Variants in LRRK1 observed in about 807,000 individuals in gnomAD.
LRRK1 encodes the protein leucine rich repeat kinase 1.
In LRRK1, 113 loss-of-function variants were observed where a neutral mutation model predicts 209.1. The observed-to-expected ratio is 0.54, with a 90% CI of 0.46 to 0.63. LRRK1 has a LOEUF of 0.63. LRRK1 is among the 30% of genes least tolerant of loss of function. The pLI is 0.00. For missense variants in LRRK1, 2,284 were observed against 2,632.2 expected (o/e 0.87, Z 2.89); for synonymous variants, 1,144 against 1,099.7 (o/e 1.04, Z -0.80).
At chr15:101,014,289 TTCTC>T (rs2033424762) in intron 10 of LRRK1, 23 bp from the exon 11 acceptor site, 2 of 1,518,730 alleles carry the variant, frequency 1.3e-6, no homozygotes, top group Non-Finnish European at 1.8e-6. Context: ...CTATCTTAGC[TTCTC>T]TCTCCCTCCC....
At chr15:100,976,108 A>T (rs1232302458) in intron 3 of LRRK1, among the ~76,000 whole-genome samples, 1 of 152,156 alleles carries the variant, frequency 6.6e-6, no homozygotes, top group Non-Finnish European at 1.5e-5. Context: ...AAAAAGAAAA[A>T]TTTAACTTTA....
chr15:100,970,946 A>T (rs1246579786), intron 2 of LRRK1, among the ~76,000 whole-genome samples: 2 of 152,012 alleles, frequency 1.3e-5, no homozygotes, highest in Non-Finnish European at 2.9e-5. Context: ...ATCATAAACT[A>T]TTTTTTCAAT....
intron 12 of LRRK1, among the ~76,000 whole-genome samples, chr15:101,020,262 G>T (rs1050659169): frequency 6.6e-6 from 1 of 151,946 alleles, no homozygotes; most frequent in African/African-American, 2.4e-5. Context: ...ACATGTGCAG[G>T]TGTGGTGTGT....
intron 2 of LRRK1, among the ~76,000 whole-genome samples, chr15:100,935,332 G>T (rs1176248917): frequency 6.6e-6 from 1 of 152,186 alleles, no homozygotes; most frequent in African/African-American, 2.4e-5. Flanking sequence ...ATGGAATCAG[G>T]TCAGTCCTGT....
intron 2 of LRRK1, among the ~76,000 whole-genome samples, chr15:100,930,411 C>T (rs1261528848): frequency 6.6e-6 from 1 of 152,200 alleles, no homozygotes; most frequent in Non-Finnish European, 1.5e-5. Context: ...TACCTGCTTC[C>T]CCACCCTGCC....
chr15:101,052,101 CT>C, intron 24 of LRRK1, 141 bp downstream of exon 24: 2 of 989,372 alleles, frequency 2.0e-6, no homozygotes, highest in Non-Finnish European at 2.9e-6. Context: ...ATCTCAGTAC[CT>C]TTTAGGTTCC....
intron 16 of LRRK1, among the ~76,000 whole-genome samples, chr15:101,025,707 A>G (rs2033997145): frequency 6.6e-6 from 1 of 152,226 alleles, no homozygotes; most frequent in Non-Finnish European, 1.5e-5. Flanking sequence ...CCATTACTGC[A>G]GGAAGGTGCC....
intron 12 of LRRK1, among the ~76,000 whole-genome samples, chr15:101,015,999 T>A (rs1332019463): frequency 6.6e-6 from 1 of 151,582 alleles, no homozygotes; most frequent in African/African-American, 2.4e-5. Flanking sequence ...TTTTTTTTTT[T>A]TTTTCTTTGA....
chr15:101,002,480 C>G (rs893389779), intron 6 of LRRK1, among the ~76,000 whole-genome samples: 2 of 152,252 alleles, frequency 1.3e-5, no homozygotes, highest in Non-Finnish European at 2.9e-5. Flanking sequence ...AACACATTCT[C>G]CACCTGTTTG....
rs1248927671 is a variant in LRRK1 at position 100,972,359 on chromosome 15, A to T, written c.98-1445A>T. Among the ~76,000 whole-genome samples the T allele has an allele frequency of 1.5e-3, 132 of 86,968 alleles. 2 individuals are homozygous for T. Among genetic ancestry groups the T allele is most frequent in the African/African-American group, 5.8e-3 (116 of 19,976 alleles). 57.1% of individuals were successfully genotyped at this position (86,968 alleles called of 152,430 possible). ...ATGAGAGAGAGAGAGAGAGAGAGAGAGAGAGTGTGTGTGTGTGTGTGTGTG... is the reference window on the plus strand; with the variant it reads ...ATGAGAGAGAGAGAGAGAGAGAGAGTGAGAGTGTGTGTGTGTGTGTGTGTG... On this transcript the variant is annotated intron_variant, in intron 2 of 33. Coordinates refer to ENST00000388948, the MANE Select transcript of LRRK1 (RefSeq NM_024652.6).
At chr15:101,058,837 T>C (rs1319351658) in intron 29 of LRRK1, among the ~76,000 whole-genome samples, 1 of 151,178 alleles carries the variant, frequency 6.6e-6, no homozygotes, top group African/African-American at 2.4e-5. Flanking sequence ...GCCGAAAAAC[T>C]AGGAGGCGGT....
chr15:101,025,354 C>A (rs945887649), intron 16 of LRRK1, among the ~76,000 whole-genome samples: 1 of 152,216 alleles, frequency 6.6e-6, no homozygotes, highest in Admixed American at 6.5e-5. Flanking sequence ...ACCATAGACA[C>A]CCCTCAATGC....
intron 20 of LRRK1, among the ~76,000 whole-genome samples, chr15:101,044,850 C>T (rs998562600): frequency 6.6e-6 from 1 of 152,226 alleles, no homozygotes; most frequent in Non-Finnish European, 1.5e-5. Flanking sequence ...GTATGGGGAA[C>T]AAACACTGAG....
rs1279399047 is a variant in LRRK1, at chr15:101,068,857, G to A, written c.*9G>A. 5.0e-6 allele frequency: 8 copies of A among 1,585,474 alleles called. No individual in the cohort carries two copies. The highest frequency in any genetic ancestry group is 6.9e-6 in the Non-Finnish European group (8 of 1,164,766). ...CTCGCAAGAGAAGGTAATTCCTGTG[G>A]AATGACTGTCACACATCAGAGCTGG... On this transcript the variant is annotated 3_prime_UTR_variant, in exon 34 of 34. Transcript: ENST00000388948.
At chr15:100,924,475 T>A (rs1481986979) in intron 1 of LRRK1, 36 bp from the exon 2 acceptor site, 1 of 619,368 alleles carries the variant, frequency 1.6e-6, no homozygotes, top group East Asian at 2.8e-5. Flanking sequence ...ACAGGAATTA[T>A]AAAGGCTTTC....
At chr15:100,990,407 T>C (rs2032100965) in intron 6 of LRRK1, among the ~76,000 whole-genome samples, 1 of 152,086 alleles carries the variant, frequency 6.6e-6, no homozygotes, top group Non-Finnish European at 1.5e-5. Context: ...AGCACAGTCC[T>C]AAAAGTGGGC....
At chr15:100,974,289 G>T (rs1437260929) in intron 3 of LRRK1, 1 of 254,102 alleles carries the variant, frequency 3.9e-6, no homozygotes, top group African/African-American at 2.2e-5. Flanking sequence ...GTTATAAAAA[G>T]TAGCACATGC....
chr15:101,053,176 G>T lies in LRRK1; in HGVS notation c.3857-47G>T, dbSNP rs776236031. On this transcript the variant is annotated intron_variant, in intron 25 of 33. Transcript: ENST00000388948. ...TGCGGCCTTAGAGAGGCCTGAGGCT[G>T]CAGGCACCCCATGTCCTACTGGCTG... is the stretch of plus-strand genomic sequence containing the variant. 6.3e-6 allele frequency: 10 copies of T among 1,592,562 alleles called. 1 individual carries two copies. The Middle Eastern group carries it at 1.2e-3, about 185-fold the overall frequency.
intron 20 of LRRK1, among the ~76,000 whole-genome samples, chr15:101,035,499 A>G (rs145790585): frequency 6.6e-6 from 1 of 152,134 alleles, no homozygotes; most frequent in Non-Finnish European, 1.5e-5. Flanking sequence ...TTTGCATGGA[A>G]TATCTTTTTG....
Sources: allele counts gnomAD v4.1 joint callset (sites outside exome capture counted in the v4.1 genomes callset), GRCh38; gene constraint gnomAD v4.1.1; transcripts MANE v1.5; gene names NCBI Gene and HGNC (gene_info 2026-07-23, HGNC 2026-07-21).